Variants in MTHFD1L observed in about 807,000 individuals in gnomAD.
MTHFD1L encodes the protein methylenetetrahydrofolate dehydrogenase (NADP+ dependent) 1 like, also known as monofunctional C1-tetrahydrofolate synthase, mitochondrial.
Under a neutral mutation model 119.5 loss-of-function variants are expected in MTHFD1L, and 81 were observed. The ratio of observed to expected loss-of-function variants is 0.68; its 90% CI spans 0.57 to 0.82. The LOEUF (loss-of-function observed/expected upper bound fraction) is 0.82, where lower values mean the gene tolerates loss of function less well. Among genes scored for constraint, MTHFD1L ranks in the 40% least tolerant of loss-of-function variants. The probability of loss-of-function intolerance (pLI) is 0.00; values close to 1 mark genes in which losing one functional copy is unlikely to be tolerated. For synonymous variants in MTHFD1L, 430 were observed against 475.2 expected, an observed-to-expected ratio of 0.90 and a Z score of 1.24; for missense variants, 1,125 against 1,253.4, an observed-to-expected ratio of 0.90 and a Z score of 1.55.
chr6:150,967,364 G>A (rs567300067), intron 19 of MTHFD1L, among the ~76,000 whole-genome samples: 43 of 152,220 alleles, frequency 2.8e-4, no homozygotes, highest in African/African-American at 1.0e-3. Context: ...AGGCCTGCTC[G>A]CTGCTCCTCC....
rs1247673239 is a variant in MTHFD1L, at chr6:150,971,953, C to A, written c.2020C>A (p.Pro674Thr). The A allele has an allele frequency of 6.2e-7, 1 of 1,613,894 alleles. No homozygotes were observed. The highest frequency in any genetic ancestry group is 8.5e-7 in the Non-Finnish European group (1 of 1,179,940). ...TGCTTTTTCACTTCTCTAGGGGACA[C>A]CTGTGTTCGTGCATGCGGGCCCTTT... Reference protein sequence around the residue: ...PNLMQTLEGTPVFVHAGPFAN... With the variant: ...PNLMQTLEGTTVFVHAGPFAN... The change falls in exon 20 of 28, where the codon CCT (proline) becomes ACT (threonine). Residue 674 changes from proline to threonine, a missense_variant. Physicochemically the swap from Pro to Thr is conservative, Grantham distance 38. Transcript: ENST00000367321.
At chr6:151,094,525 G>A (rs1244647750) in intron 27 of MTHFD1L, among the ~76,000 whole-genome samples, 5 of 151,826 alleles carry the variant, frequency 3.3e-5, no homozygotes, top group South Asian at 2.1e-4. Flanking sequence ...ACCACGCCCC[G>A]CTGATTTTTG....
chr6:150,989,728 T>C (rs9478159), intron 20 of MTHFD1L, among the ~76,000 whole-genome samples: 29,805 of 152,114 alleles, frequency 0.2, 3,026 homozygotes, highest in Middle Eastern at 0.29. Flanking sequence ...TATAAAACTT[T>C]ATTGAAAGAC....
At chr6:151,075,670 A>G (rs1378550397) in intron 26 of MTHFD1L, among the ~76,000 whole-genome samples, 2 of 152,204 alleles carry the variant, frequency 1.3e-5, no homozygotes, top group East Asian at 1.9e-4. Context: ...ATTCTTTTCA[A>G]ACGTACACAG....
At chr6:151,084,860 G>A (rs952005267) in intron 26 of MTHFD1L, among the ~76,000 whole-genome samples, 4 of 150,952 alleles carry the variant, frequency 2.6e-5, no homozygotes, top group Admixed American at 6.6e-5. Flanking sequence ...CCAGCTACTC[G>A]GGAGGCTGAG....
At chr6:151,037,975 A>G (rs1786438996) in intron 26 of MTHFD1L, among the ~76,000 whole-genome samples, 1 of 152,246 alleles carries the variant, frequency 6.6e-6, no homozygotes, top group South Asian at 2.1e-4. Flanking sequence ...ACATTATCAT[A>G]ATTTTTTATA....
At chr6:151,009,166 T>C (rs1303102831) in intron 20 of MTHFD1L, among the ~76,000 whole-genome samples, 1 of 150,996 alleles carries the variant, frequency 6.6e-6, no homozygotes, top group Non-Finnish European at 1.5e-5. Context: ...TCTTCCATTG[T>C]AATCATACTA....
At chr6:151,020,223 A>G (rs764154505) in intron 24 of MTHFD1L, among the ~76,000 whole-genome samples, 1 of 152,184 alleles carries the variant, frequency 6.6e-6, no homozygotes, top group Non-Finnish European at 1.5e-5. Context: ...ATTTAGGGTA[A>G]TGGGAAATAG....
chr6:151,077,875 C>T (rs1272990871), intron 26 of MTHFD1L, among the ~76,000 whole-genome samples: 1 of 151,464 alleles, frequency 6.6e-6, no homozygotes, highest in Non-Finnish European at 1.5e-5. Flanking sequence ...CACGGTGAAA[C>T]CCTGTCTCTA....
At chr6:150,993,393 G>A (rs1029838421) in intron 20 of MTHFD1L, among the ~76,000 whole-genome samples, 11 of 151,860 alleles carry the variant, frequency 7.2e-5, no homozygotes, top group East Asian at 5.8e-4. Context: ...TGATCTCGGC[G>A]CACCACAGCC....
intron 24 of MTHFD1L, among the ~76,000 whole-genome samples, chr6:151,028,575 A>T (rs528101246): frequency 6.6e-6 from 1 of 152,288 alleles, no homozygotes; most frequent in South Asian, 2.1e-4. Flanking sequence ...ATACTGCTTG[A>T]TTCCACTTGT....
At chr6:151,088,816 C>T (rs1315567058) in intron 26 of MTHFD1L, among the ~76,000 whole-genome samples, 1 of 152,090 alleles carries the variant, frequency 6.6e-6, no homozygotes, top group African/African-American at 2.4e-5. Flanking sequence ...ATTCATGTTC[C>T]GATCCACTGC....
chr6:151,010,736 T>C (rs916323872), intron 21 of MTHFD1L, among the ~76,000 whole-genome samples: 1 of 151,792 alleles, frequency 6.6e-6, no homozygotes, highest in South Asian at 2.1e-4. Flanking sequence ...AAGTGGAGAA[T>C]AAGACATTTT....
chr6:150,983,697 G>A (rs548592266), intron 20 of MTHFD1L, among the ~76,000 whole-genome samples: 4 of 152,154 alleles, frequency 2.6e-5, no homozygotes, highest in East Asian at 3.8e-4. Flanking sequence ...GAACTGTTAC[G>A]TTCAATTCCA....
chr6:151,088,733 A>C (rs546478141), intron 26 of MTHFD1L, among the ~76,000 whole-genome samples: 1 of 151,034 alleles, frequency 6.6e-6, no homozygotes. Context: ...CTGGGATTAC[A>C]GGCATGAGCC....
At chr6:150,982,939 AT>A (rs1777750019) in intron 20 of MTHFD1L, among the ~76,000 whole-genome samples, 1 of 152,170 alleles carries the variant, frequency 6.6e-6, no homozygotes, top group Non-Finnish European at 1.5e-5. Flanking sequence ...ACCTCAGGTG[AT>A]CCACCCACCT....
At chr6:151,098,303 C>A (rs1211538193) in intron 27 of MTHFD1L, among the ~76,000 whole-genome samples, 1 of 152,148 alleles carries the variant, frequency 6.6e-6, no homozygotes, top group Non-Finnish European at 1.5e-5. Context: ...TTTGTTCAGT[C>A]CCAAGTCACA....
chr6:150,890,466 G>C (rs570115395), intron 7 of MTHFD1L, among the ~76,000 whole-genome samples: 1 of 152,038 alleles, frequency 6.6e-6, no homozygotes, highest in East Asian at 1.9e-4. Flanking sequence ...CCTGTGGAAC[G>C]GTGACTATTG....
chr6:150,948,910 G>A, intron 15 of MTHFD1L, 121 bp from the exon 16 acceptor site: 1 of 830,488 alleles, frequency 1.2e-6, no homozygotes, highest in Non-Finnish European at 1.9e-6. Context: ...CAAAGTGCCA[G>A]TTTAGTTTTT....
Sources: allele counts gnomAD v4.1 joint callset (sites outside exome capture counted in the v4.1 genomes callset), GRCh38; gene constraint gnomAD v4.1.1; transcripts MANE v1.5; gene names NCBI Gene and HGNC (gene_info 2026-07-23, HGNC 2026-07-21).